Variants in PAK3 observed in about 807,000 individuals in gnomAD.
The protein encoded by PAK3 is p21 (RAC1) activated kinase 3.
In PAK3, 4 loss-of-function variants were observed where a neutral mutation model predicts 41.0. The observed-to-expected ratio is 0.10, with a 90% confidence interval of 0.05 to 0.22. The LOEUF is 0.22. Among genes scored for constraint, PAK3 ranks in the 10% least tolerant of loss-of-function variants. The pLI, the probability that PAK3 is intolerant of heterozygous loss-of-function variation, is 1.00. For synonymous variants in PAK3, 146 were observed against 139.6 expected (o/e 1.05, Z -0.32); for missense variants, 205 against 409.9 (o/e 0.50, Z 4.32).
At chrX:111,070,282 CAACAGCTGAATTTGATCATTT>C (rs1294658828) in intron 1 of PAK3, among the ~76,000 whole-genome samples, 1 of 103,784 alleles carries the variant, frequency 9.6e-6, no homozygotes, top group Non-Finnish European at 2.0e-5. Flanking sequence ...TTTATATGGA[CAACAGCTGAATTTGATCATTT>C]ATATGGACAA....
At chrX:110,994,189 G>T (rs956828429) in intron 1 of PAK3, among the ~76,000 whole-genome samples, 6 of 112,171 alleles carry the variant, frequency 5.3e-5, no homozygotes, top group African/African-American at 1.9e-4. Context: ...CTAGATGCTG[G>T]TTGTTGCCTT....
At chrX:111,095,813 G>A (rs1245321780), upstream of PAK3, among the ~76,000 whole-genome samples, 1 of 111,107 alleles carries the variant, frequency 9.0e-6, no homozygotes, top group Non-Finnish European at 1.9e-5. Flanking sequence ...CCGTGTAGCT[G>A]TACAGATTTC....
chrX:111,081,627 T>C (rs1193713259), intron 1 of PAK3, among the ~76,000 whole-genome samples: 1 of 111,515 alleles, frequency 9.0e-6, no homozygotes, highest in African/African-American at 3.3e-5. Flanking sequence ...AAGATAAGCA[T>C]ATGAGGTAAT....
chrX:111,201,727 TA>T (rs1239965634), intron 16 of PAK3, among the ~76,000 whole-genome samples: 1 of 105,150 alleles, frequency 9.5e-6, no homozygotes, highest in Non-Finnish European at 1.9e-5. Flanking sequence ...TTCCTATCTG[TA>T]AAATGAGAAC....
intron 1 of PAK3, among the ~76,000 whole-genome samples, chrX:111,005,527 C>T (rs2091910027): frequency 9.0e-6 from 1 of 111,507 alleles, no homozygotes; most frequent in African/African-American, 3.3e-5. Context: ...CAGTGCAGCC[C>T]CAGCTTGCTA....
chrX:111,143,711 G>A (rs1048667454), intron 6 of PAK3, among the ~76,000 whole-genome samples: 8 of 111,225 alleles, frequency 7.2e-5, no homozygotes, highest in Non-Finnish European at 1.5e-4. Flanking sequence ...CAAAAAGATT[G>A]TAACTATTTT....
chrX:111,133,398 C>A (rs1439845277), intron 5 of PAK3, among the ~76,000 whole-genome samples: 1 of 112,107 alleles, frequency 8.9e-6, no homozygotes, highest in Non-Finnish European at 1.9e-5. Context: ...TTTCTGTGAT[C>A]TTTTCTTTTG....
At chrX:111,182,765 TACAAGTAGTA>T (rs1243265005) in intron 11 of PAK3, among the ~76,000 whole-genome samples, 1 of 111,300 alleles carries the variant, frequency 9.0e-6, no homozygotes, top group African/African-American at 3.3e-5. Context: ...GATAGGAGCC[TACAAGTAGTA>T]ACTTTTTTAA....
chrX:111,160,506 T>A (rs920607633), intron 8 of PAK3, among the ~76,000 whole-genome samples: 23 of 109,774 alleles, frequency 2.1e-4, no homozygotes, highest in Non-Finnish European at 4.0e-4. Context: ...AGGGTACATG[T>A]GCACAACGTG....
At chrX:111,026,883 G>A (rs913549492) in intron 1 of PAK3, among the ~76,000 whole-genome samples, 1 of 111,825 alleles carries the variant, frequency 8.9e-6, no homozygotes, top group African/African-American at 3.2e-5. Flanking sequence ...AAATCTGGAG[G>A]CATCACATTA....
rs143225848 is a variant in PAK3, at chrX:111,006,224, A to G, written c.-28+61596A>G. ...TGCCACAAAGGACATCATTGAGACA[A>G]TTAGCCACATTTGAATATGGACTAT... is the stretch of plus-strand genomic sequence containing the variant. On this transcript the variant is annotated intron_variant, in intron 1 of 14. Coordinates refer to the PAK3 transcript ENST00000425146. 3.5e-4 allele frequency among the ~76,000 whole-genome samples: 39 copies of G among 112,356 alleles called. No homozygotes were observed. The East Asian group carries it at 0.011, about 31-fold the overall frequency.
intron 17 of PAK3, chrX:111,216,886 G>A: frequency 1.4e-6 from 1 of 737,426 alleles, no homozygotes; most frequent in Non-Finnish European, 1.6e-6. Flanking sequence ...TTGTATGCAG[G>A]TGCTCTTGGC....
At chrX:111,045,202 A>G (rs1412159622) in intron 1 of PAK3, among the ~76,000 whole-genome samples, 7 of 112,281 alleles carry the variant, frequency 6.2e-5, no homozygotes, top group Non-Finnish European at 1.9e-5. Context: ...AAGCAATTGG[A>G]AAGGTGCCCA....
At chrX:110,995,304 G>A (rs972138874) in intron 1 of PAK3, among the ~76,000 whole-genome samples, 14 of 111,083 alleles carry the variant, frequency 1.3e-4, no homozygotes, top group Non-Finnish European at 2.6e-4. Flanking sequence ...CAGATCAACT[G>A]GGCCCCCTTT....
chrX:111,017,502 A>G (rs1000800011), intron 1 of PAK3, among the ~76,000 whole-genome samples: 3 of 111,913 alleles, frequency 2.7e-5, no homozygotes, highest in Admixed American at 9.5e-5. Context: ...GATAAAATGG[A>G]CAAATTTGTA....
Position 110,978,025 on chromosome X carries a change from T to C in PAK3, c.-28+33397T>C, listed in dbSNP as rs150757079. On this transcript the variant is annotated intron_variant, in intron 1 of 14. Transcript: ENST00000425146. ...TATGACGTTAGCTGTGGGTTTTTCA[T>C]AGATGCTCTTTACCACGTTGATGAA... 8.0e-4 allele frequency among the ~76,000 whole-genome samples: 90 copies of C among 112,315 alleles called. 2 individuals are homozygous for C. In the East Asian group the frequency reaches 0.015, roughly 18 times the overall value.
At chrX:111,140,327 G>A (rs1213290462) in intron 5 of PAK3, among the ~76,000 whole-genome samples, 4 of 111,665 alleles carry the variant, frequency 3.6e-5, no homozygotes, top group Non-Finnish European at 5.7e-5. Flanking sequence ...GGAATGCCAG[G>A]CCACATTGTC....
intron 11 of PAK3, among the ~76,000 whole-genome samples, chrX:111,179,268 A>AT (rs1203438907): frequency 9.1e-6 from 1 of 109,716 alleles, no homozygotes; most frequent in East Asian, 2.9e-4. Flanking sequence ...GATATTTGAG[A>AT]TTTTGAACCC....
chrX:111,193,988 T>G (rs1168666676), intron 13 of PAK3, among the ~76,000 whole-genome samples: 1 of 111,145 alleles, frequency 9.0e-6, no homozygotes, highest in Admixed American at 9.6e-5. Context: ...GAACATTGGG[T>G]TCATTCCATT....
Sources: gnomAD v4.1 joint callset for allele counts (sites outside exome capture counted in the v4.1 genomes callset) on GRCh38, gnomAD v4.1.1 for gene constraint, MANE v1.5 for transcripts, NCBI Gene and HGNC (gene_info 2026-07-23, HGNC 2026-07-21) for gene names.